ANKRD18A: variants seen among roughly 807,000 people sequenced by gnomAD.
ANKRD18A encodes the protein ankyrin repeat domain-containing protein 18A.
Under a neutral mutation model 110.6 loss-of-function variants are expected in ANKRD18A, and 72 were observed. That is an observed-to-expected ratio of 0.65 (90% CI 0.54 to 0.79). The LOEUF (loss-of-function observed/expected upper bound fraction) is 0.79, where lower values mean the gene tolerates loss of function less well. ANKRD18A is among the 30% of genes least tolerant of loss of function. The pLI is 0.00. For synonymous variants in ANKRD18A, 305 were observed against 410.3 expected, an observed-to-expected ratio of 0.74 and a Z score of 3.10; for missense variants, 934 against 1,163.3, an observed-to-expected ratio of 0.80 and a Z score of 2.87.
intron 10 of ANKRD18A, 45 bp from the exon 11 acceptor site, chr9:38,588,708 C>A: frequency 2.7e-6 from 3 of 1,097,834 alleles, no homozygotes; most frequent in African/African-American, 1.7e-5. Flanking sequence ...ATCTAGAGAC[C>A]CTCTTCTATC....
chr9:38,575,416 T>A (rs1823838233), intron 15 of ANKRD18A, 60 bp downstream of exon 15: 1 of 1,444,628 alleles, frequency 6.9e-7, no homozygotes, highest in Non-Finnish European at 9.3e-7. Flanking sequence ...TTCATCAAAT[T>A]ATAGACAAGA....
At position 38,613,613 on chromosome 9, in the gene ANKRD18A, A is replaced by G. The variant is rs1825733577; in HGVS notation, c.495+1981T>C. Among the ~76,000 whole-genome samples the G allele has an allele frequency of 2.0e-5, 3 of 152,348 alleles. No individual in the cohort carries two copies. In the South Asian group the frequency reaches 6.2e-4, roughly 32 times the overall value. On this transcript the variant is annotated intron_variant, in intron 3 of 15. Coordinates refer to ENST00000399703, the MANE Select transcript of ANKRD18A (RefSeq NM_147195.4). The stretch of plus-strand genomic sequence containing the variant: ...TTCCCAGATTGTTCACCAAATGGAC[A>G]ATTAGTTCATAGGAATGCTGAAACT...
chr9:38,570,717 G>A (rs1316591444), downstream of ANKRD18A, among the ~76,000 whole-genome samples: 1 of 152,224 alleles, frequency 6.6e-6, no homozygotes, highest in African/African-American at 2.4e-5. Flanking sequence ...TCCCCTCCCT[G>A]CATGTGTGCC....
Position 38,577,262 on chromosome 9 carries a change from T to C in ANKRD18A, c.2532A>G (p.Lys844=). The change falls in exon 14 of 16, where the codon AAA becomes AAG. Residue 844 remains lysine (K), a splice_region_variant and synonymous_variant. Transcript: ENST00000399703. The stretch of plus-strand genomic sequence containing the variant: ...CTAATTGTTTTTCATATTCTGCTTG[T>C]TTCTAAAACAAATGAAAAGAATACA... ...IEKLEEIHLQ[K]QAEYEKQLEQ... is the part of the protein sequence containing the mutation. The C allele has an allele frequency of 1.3e-6, 2 of 1,521,904 alleles. No homozygotes were observed. Among genetic ancestry groups the C allele is most frequent in the Non-Finnish European group, 8.8e-7 (1 of 1,136,466 alleles). 94.3% of individuals were successfully genotyped at this position (1,521,904 alleles called of 1,614,324 possible).
chr9:38,600,757 C>T (rs1228580722), intron 8 of ANKRD18A, among the ~76,000 whole-genome samples: 1 of 152,142 alleles, frequency 6.6e-6, no homozygotes, highest in Non-Finnish European at 1.5e-5. Flanking sequence ...AATGATGACT[C>T]CTTTCACATG....
intron 3 of ANKRD18A, among the ~76,000 whole-genome samples, chr9:38,612,674 C>T (rs1449298606): frequency 1.3e-5 from 2 of 152,046 alleles, no homozygotes; most frequent in African/African-American, 4.8e-5. Flanking sequence ...CCTGCCACCA[C>T]ACCTGGCTAA....
chr9:38,579,728 G>A (rs542582059), intron 12 of ANKRD18A, among the ~76,000 whole-genome samples: 1 of 152,278 alleles, frequency 6.6e-6, no homozygotes, highest in South Asian at 2.1e-4. Flanking sequence ...GCTGTTCGTG[G>A]GAAGGTAAAT....
intron 11 of ANKRD18A, among the ~76,000 whole-genome samples, chr9:38,586,548 T>C (rs1192413381): frequency 6.6e-6 from 1 of 151,412 alleles, no homozygotes; most frequent in African/African-American, 2.4e-5. Context: ...AGCCATACAG[T>C]TTTTGGTTTT....
chr9:38,592,873 C>T (rs1435626095), intron 10 of ANKRD18A, among the ~76,000 whole-genome samples: 1 of 152,110 alleles, frequency 6.6e-6, no homozygotes. Context: ...ATATGCAGAC[C>T]ATGCAAATCT....
intron 7 of ANKRD18A, among the ~76,000 whole-genome samples, chr9:38,602,156 C>T (rs1458802113): frequency 7.3e-5 from 11 of 150,488 alleles, no homozygotes; most frequent in East Asian, 1.9e-4. Flanking sequence ...CACATCAGGT[C>T]TTTGCATGTC....
chr9:38,580,867 G>T (rs370089951), intron 12 of ANKRD18A, among the ~76,000 whole-genome samples: 1,838 of 151,192 alleles, frequency 0.012, 11 homozygotes, highest in Non-Finnish European at 0.017. Context: ...CTTTCCCTTC[G>T]AACTCAGCCC....
At position 38,578,213 on chromosome 9, in the gene ANKRD18A, A is replaced by G. The variant is rs1823994464; in HGVS notation, c.2248-65T>C. On this transcript the variant is annotated intron_variant, in intron 12 of 15. Transcript: ENST00000399703. ...CTGAGAATAATCCAATACAAAACCA[A>G]TAGCAAATTTTGAAATGCATTGACT... 1.8e-5 allele frequency: 26 copies of G among 1,428,162 alleles called. No individual in the cohort carries two copies. In the South Asian group the frequency reaches 3.4e-4, roughly 19 times the overall value. 88.5% of individuals were successfully genotyped at this position (1,428,162 alleles called of 1,614,324 possible).
At position 38,620,376 on chromosome 9, in the gene ANKRD18A, T is replaced by TC. The variant is rs201592779; in HGVS notation, c.-92dup. 12 of 589,924 alleles carry TC rather than the reference T, an allele frequency of 2.0e-5. No individual in the cohort carries two copies. The highest frequency in any genetic ancestry group is 1.1e-4 in the African/African-American group (3 of 27,550). The allele number at this position is 589,924 out of a possible 1,614,324, so 36.5% of individuals were successfully genotyped here. Reference sequence around the variant, plus strand: ...CCCCCACTCCGCCCCAAATCCGCGATCTCCCCCGCAACCCGCGATCCCCCC... The same window carrying TC: ...CCCCCACTCCGCCCCAAATCCGCGATCCTCCCCCGCAACCCGCGATCCCCCC... On this transcript the variant is annotated 5_prime_UTR_variant, in exon 1 of 16. Coordinates refer to ENST00000399703, the MANE Select transcript of ANKRD18A (RefSeq NM_147195.4).
intron 10 of ANKRD18A, among the ~76,000 whole-genome samples, chr9:38,591,489 T>C (rs1348552729): frequency 1.3e-5 from 2 of 152,244 alleles, no homozygotes; most frequent in Non-Finnish European, 2.9e-5. Context: ...TAGAAGAGTA[T>C]GTGGTGCATG....
intron 7 of ANKRD18A, among the ~76,000 whole-genome samples, chr9:38,601,608 T>C (rs528662777): frequency 6.6e-6 from 1 of 152,364 alleles, no homozygotes; most frequent in South Asian, 2.1e-4. Flanking sequence ...AAATTTTTGT[T>C]ACTGTTATAC....
intron 10 of ANKRD18A, among the ~76,000 whole-genome samples, chr9:38,593,171 T>G (rs1824728610): frequency 6.6e-6 from 1 of 152,254 alleles, no homozygotes; most frequent in South Asian, 2.1e-4. Context: ...ATTTTGGATG[T>G]ACATACTCTA....
intron 1 of ANKRD18A, 53 bp downstream of exon 1, chr9:38,620,019 CGGGCTGCA>C (rs1826016597): frequency 3.9e-6 from 6 of 1,535,364 alleles, no homozygotes; most frequent in Admixed American, 2.0e-5. Flanking sequence ...CAGGGGCTGC[CGGGCTGCA>C]GGGAAGCCGG....
At chr9:38,586,675 C>T (rs1401142480) in intron 11 of ANKRD18A, among the ~76,000 whole-genome samples, 4 of 152,108 alleles carry the variant, frequency 2.6e-5, no homozygotes, top group Admixed American at 6.6e-5. Context: ...AGTGATTCTC[C>T]TGCCTCAGCC....
chr9:38,585,537 G>A (rs1824343307), intron 12 of ANKRD18A, among the ~76,000 whole-genome samples: 1 of 152,054 alleles, frequency 6.6e-6, no homozygotes, highest in Admixed American at 6.5e-5. Context: ...GGGTAATCCA[G>A]GGCCACAGTC....
Sources: gnomAD v4.1 joint callset for allele counts (sites outside exome capture counted in the v4.1 genomes callset) on GRCh38, gnomAD v4.1.1 for gene constraint, MANE v1.5 for transcripts, NCBI Gene and HGNC (gene_info 2026-07-23, HGNC 2026-07-21) for gene names.